The following MMP16 variants were observed in gnomAD, a reference collection of about 807,000 sequenced individuals.
The protein encoded by MMP16 is matrix metallopeptidase 16.
In MMP16, 12 loss-of-function variants were observed where a neutral mutation model predicts 67.8. The observed-to-expected ratio is 0.18, with a 90% confidence interval of 0.11 to 0.29. The LOEUF is 0.29. MMP16 is among the 10% of genes least tolerant of loss of function. The pLI is 1.00. For missense variants in MMP16, 475 were observed against 765.7 expected, an observed-to-expected ratio of 0.62 and a Z score of 4.48; for synonymous variants, 249 against 255.9, an observed-to-expected ratio of 0.97 and a Z score of 0.26.
chr8:88,189,971 C>T (rs919959088), intron 2 of MMP16, among the ~76,000 whole-genome samples: 5 of 152,140 alleles, frequency 3.3e-5, no homozygotes, highest in Admixed American at 2.6e-4. Context: ...GTCTATATGT[C>T]ATTTTGCATA....
chr8:88,086,226 G>A (rs1029067097), intron 6 of MMP16, among the ~76,000 whole-genome samples: 1 of 151,764 alleles, frequency 6.6e-6, no homozygotes, highest in Non-Finnish European at 1.5e-5. Context: ...TGGGTATGAT[G>A]AAGAAAAGAA....
intron 8 of MMP16, among the ~76,000 whole-genome samples, chr8:88,048,552 T>C (rs542966034): frequency 1.3e-5 from 2 of 152,320 alleles, no homozygotes; most frequent in East Asian, 3.9e-4. Flanking sequence ...ACCTATGAGA[T>C]AGTCATCACT....
intron 1 of MMP16, among the ~76,000 whole-genome samples, chr8:88,269,375 C>T (rs925574493): frequency 6.6e-6 from 1 of 152,064 alleles, no homozygotes; most frequent in Admixed American, 6.6e-5. Flanking sequence ...GTAACACCTT[C>T]ACAGGGCAAC....
At chr8:88,137,312 C>T (rs149506460) in intron 4 of MMP16, among the ~76,000 whole-genome samples, 3 of 152,004 alleles carry the variant, frequency 2.0e-5, no homozygotes, top group East Asian at 1.9e-4. Flanking sequence ...ACTCCTCCCC[C>T]CCAAAACCCA....
intron 4 of MMP16, among the ~76,000 whole-genome samples, chr8:88,121,765 C>T (rs529937535): frequency 7.2e-4 from 109 of 151,956 alleles, no homozygotes; most frequent in African/African-American, 2.4e-3. Context: ...TTGTATACTC[C>T]AATACAATGT....
At chr8:88,077,467 C>T (rs900335792) in intron 6 of MMP16, among the ~76,000 whole-genome samples, 4 of 152,178 alleles carry the variant, frequency 2.6e-5, no homozygotes, top group African/African-American at 9.6e-5. Context: ...CCTCACCTCC[C>T]TTTCCTGTTG....
chr8:88,185,462 CA>C (rs1302863196), intron 3 of MMP16, among the ~76,000 whole-genome samples: 6 of 151,886 alleles, frequency 4.0e-5, no homozygotes, highest in Non-Finnish European at 7.4e-5. Flanking sequence ...AAAACGTCGC[CA>C]AAATAACCAA....
At chr8:88,104,648 C>T (rs979145585) in intron 6 of MMP16, among the ~76,000 whole-genome samples, 1 of 151,466 alleles carries the variant, frequency 6.6e-6, no homozygotes. Context: ...TTTTTATATA[C>T]CTACCATATT....
chr8:88,133,390 T>C (rs28907609), intron 4 of MMP16, among the ~76,000 whole-genome samples: 3 of 151,876 alleles, frequency 2.0e-5, no homozygotes, highest in African/African-American at 4.8e-5. Flanking sequence ...TCTTTATCAT[T>C]GTCTTGTCCA....
chr8:88,095,892 G>A (rs1469458247), intron 6 of MMP16, among the ~76,000 whole-genome samples: 1 of 151,956 alleles, frequency 6.6e-6, no homozygotes, highest in Non-Finnish European at 1.5e-5. Flanking sequence ...AAATGGAGTA[G>A]TGAATAAGAG....
chr8:88,059,320 A>G (rs764668305), intron 7 of MMP16, among the ~76,000 whole-genome samples: 3 of 152,086 alleles, frequency 2.0e-5, no homozygotes, highest in Non-Finnish European at 4.4e-5. Flanking sequence ...AGGAGAAAGA[A>G]GAGGCAGTGT....
At chr8:88,200,297 C>T (rs772538069) in intron 1 of MMP16, among the ~76,000 whole-genome samples, 2 of 151,928 alleles carry the variant, frequency 1.3e-5, no homozygotes, top group Admixed American at 6.6e-5. Flanking sequence ...TTTGTGCTCA[C>T]TAGATTGAGA....
intron 6 of MMP16, among the ~76,000 whole-genome samples, chr8:88,095,784 T>A (rs1809016239): frequency 6.6e-6 from 1 of 151,874 alleles, no homozygotes; most frequent in Non-Finnish European, 1.5e-5. Flanking sequence ...TTGCTGAGCA[T>A]TCAAAAGACT....
intron 6 of MMP16, among the ~76,000 whole-genome samples, chr8:88,083,897 CA>C (rs778563334): frequency 1.3e-5 from 2 of 151,894 alleles, no homozygotes; most frequent in Non-Finnish European, 2.9e-5. Context: ...GCAAAGTAAG[CA>C]AAGAACAAAA....
At chr8:88,159,348 G>A (rs150123947) in intron 4 of MMP16, among the ~76,000 whole-genome samples, 406 of 152,248 alleles carry the variant, frequency 2.7e-3, no homozygotes, top group African/African-American at 9.3e-3. Context: ...TCCTTGAGCA[G>A]TGGTTTGTAG....
intron 4 of MMP16, among the ~76,000 whole-genome samples, chr8:88,164,880 A>G (rs185712420): frequency 5.3e-5 from 8 of 151,976 alleles, no homozygotes; most frequent in African/African-American, 1.4e-4. Flanking sequence ...AGGCCACGTT[A>G]TATTTCAGAA....
chr8:88,285,253 C>T (rs1219380540), intron 1 of MMP16, among the ~76,000 whole-genome samples: 3 of 152,106 alleles, frequency 2.0e-5, no homozygotes, highest in Non-Finnish European at 4.4e-5. Flanking sequence ...GATTCTCCTG[C>T]CTCAGCCTCC....
intron 6 of MMP16, among the ~76,000 whole-genome samples, chr8:88,078,448 G>A (rs1017536960): frequency 2.6e-5 from 4 of 152,068 alleles, no homozygotes; most frequent in East Asian, 1.9e-4. Flanking sequence ...ATTCTGGCTC[G>A]TGATAGGCAT....
At chr8:88,203,207 C>T (rs1809372383) in intron 1 of MMP16, among the ~76,000 whole-genome samples, 1 of 148,474 alleles carries the variant, frequency 6.7e-6, no homozygotes, top group Non-Finnish European at 1.5e-5. Flanking sequence ...GGGTTCAAGG[C>T]ATCCTCCTGC....
Sources: gnomAD v4.1 joint callset for allele counts (sites outside exome capture counted in the v4.1 genomes callset) on GRCh38, gnomAD v4.1.1 for gene constraint, MANE v1.5 for transcripts, NCBI Gene and HGNC (gene_info 2026-07-23, HGNC 2026-07-21) for gene names.